The following IMPACT variants were observed in gnomAD, a reference collection of about 807,000 sequenced individuals.
The protein encoded by IMPACT is protein IMPACT.
Under a neutral mutation model 47.5 loss-of-function variants are expected in IMPACT, and 35 were observed. That is an observed-to-expected ratio of 0.74 (90% CI 0.56 to 0.98). The LOEUF (loss-of-function observed/expected upper bound fraction) is 0.98, where lower values mean the gene tolerates loss of function less well. Ranked by LOEUF, IMPACT falls within the 50% of genes least tolerant of loss-of-function variation. The probability of loss-of-function intolerance (pLI) is 0.00; values close to 1 mark genes in which losing one functional copy is unlikely to be tolerated. For missense variants in IMPACT, 373 were observed against 394.8 expected, an observed-to-expected ratio of 0.94 and a Z score of 0.47; for synonymous variants, 118 against 125.6, an observed-to-expected ratio of 0.94 and a Z score of 0.40.
At chr18:24,434,000 A>G (rs1254909047) in intron 4 of IMPACT, among the ~76,000 whole-genome samples, 1 of 151,980 alleles carries the variant, frequency 6.6e-6, no homozygotes, top group African/African-American at 2.4e-5. Context: ...CATATTTTCC[A>G]TATAATTCCA....
intron 9 of IMPACT, 76 bp downstream of exon 9, chr18:24,448,259 T>TA: frequency 1.2e-6 from 1 of 858,984 alleles, no homozygotes; most frequent in Non-Finnish European, 1.9e-6. Flanking sequence ...CTCCATTTAG[T>TA]AATAGCTAAG....
intron 7 of IMPACT, among the ~76,000 whole-genome samples, chr18:24,443,457 A>G (rs117358588): frequency 5.1e-4 from 78 of 152,296 alleles, no homozygotes; most frequent in East Asian, 4.2e-3. Context: ...GATTACAGGC[A>G]TAAGCCACCT....
intron 10 of IMPACT, 111 bp from the exon 11 acceptor site, chr18:24,450,668 T>C (rs1909361817): frequency 1.5e-6 from 1 of 651,378 alleles, no homozygotes; most frequent in Non-Finnish European, 2.7e-6. Context: ...CATACATATA[T>C]GTATGAATAT....
rs1908951108 is a variant in IMPACT at position 24,436,607 on chromosome 18, G to T, written c.282-1348G>T. ...TCTGTTGCCCAGGCTGGAGTGCAGT[G>T]GCACGATCTCCACTCACTGCAACCT... On this transcript the variant is annotated intron_variant, in intron 4 of 10. Transcript: ENST00000284202. 2.0e-5 allele frequency among the ~76,000 whole-genome samples: 3 copies of T among 151,394 alleles called. No homozygotes were observed. In the South Asian group the frequency reaches 6.3e-4, roughly 32 times the overall value.
In IMPACT at chr18:24,451,001, A is replaced by G; in HGVS notation, c.*154A>G. 1.9e-6 allele frequency: 1 copy of G among 517,768 alleles called. No individual in the cohort carries two copies. The highest frequency in any genetic ancestry group is 3.7e-4 in the Middle Eastern group (1 of 2,738). 32.1% of individuals were successfully genotyped at this position (517,768 alleles called of 1,614,324 possible). On this transcript the variant is annotated 3_prime_UTR_variant, in exon 11 of 11. Transcript: ENST00000284202. Reference sequence around the variant, plus strand: ...ATTAGCTTTTCTTCTTGGTTATATCATCTGCCAAAAATAGAGAACTTATGA... The same window carrying G: ...ATTAGCTTTTCTTCTTGGTTATATCGTCTGCCAAAAATAGAGAACTTATGA...
Position 24,451,099 on chromosome 18 carries a change from C to T in IMPACT, c.*252C>T. On this transcript the variant is annotated 3_prime_UTR_variant, in exon 11 of 11. Transcript: ENST00000284202. ...TAATCACCACTTCATCTAATTTTAGCAAGGTAACAGTTGCCCAGGGCAGTA... is the reference window on the plus strand; with the variant it reads ...TAATCACCACTTCATCTAATTTTAGTAAGGTAACAGTTGCCCAGGGCAGTA... 1 of 309,582 alleles carries T rather than the reference C, an allele frequency of 3.2e-6. No homozygotes were observed. Among genetic ancestry groups the T allele is most frequent in the Non-Finnish European group, 6.0e-6 (1 of 167,252 alleles). 19.2% of individuals were successfully genotyped at this position (309,582 alleles called of 1,614,324 possible). A position where few individuals can be genotyped will look rare whatever the true frequency, so the allele number is the denominator to read the frequency against.
In IMPACT at chr18:24,451,785, CA is replaced by C. The variant is rs1238674842; in HGVS notation, c.*939del. ...GTTGTGTAGTTACATCAATTTGATG[CA>C]TGCTTTCCATCTGCACTCCAGACGG... On this transcript the variant is annotated 3_prime_UTR_variant, in exon 11 of 11. Transcript: ENST00000284202. The C allele has an allele frequency of 6.6e-6, 1 of 152,138 alleles. No individual in the cohort carries two copies. The highest frequency in any genetic ancestry group is 6.5e-5 in the Admixed American group (1 of 15,280). The allele number at this position is 152,138 out of a possible 1,614,324, so 9.4% of individuals were successfully genotyped here. A position where few individuals can be genotyped will look rare whatever the true frequency, so the allele number is the denominator to read the frequency against.
At chr18:24,445,369 A>C in intron 7 of IMPACT, 24 bp from the exon 8 acceptor site, 1 of 1,319,856 alleles carries the variant, frequency 7.6e-7, no homozygotes. Flanking sequence ...AAGCATACTT[A>C]TTTATATTAT....
intron 2 of IMPACT, 80 bp downstream of exon 2, chr18:24,428,127 T>C: frequency 7.9e-7 from 1 of 1,268,438 alleles, no homozygotes; most frequent in South Asian, 1.7e-5. Flanking sequence ...CTAATGATTG[T>C]GTTGTTTTCT....
In IMPACT at chr18:24,451,489, G is replaced by A. The variant is rs2144352733; in HGVS notation, c.*642G>A. On this transcript the variant is annotated 3_prime_UTR_variant, in exon 11 of 11. Transcript: ENST00000284202. ...ATGCTTCAGTTTCTGTTGCAAATTG[G>A]TGATTGTGAAATTACAGAAAGTGAT... The A allele has an allele frequency of 6.6e-6, 1 of 152,276 alleles. No individual in the cohort carries two copies. Among genetic ancestry groups the A allele is most frequent in the Admixed American group, 6.5e-5 (1 of 15,302 alleles). The allele number at this position is 152,276 out of a possible 1,614,324, so 9.4% of individuals were successfully genotyped here.
chr18:24,437,301 G>A (rs1444518358), intron 4 of IMPACT, among the ~76,000 whole-genome samples: 3 of 152,104 alleles, frequency 2.0e-5, no homozygotes, highest in Non-Finnish European at 4.4e-5. Flanking sequence ...CTATGGACAT[G>A]ACTTTAAAAC....
In IMPACT at chr18:24,430,405, T is replaced by A. The variant is rs945567706; in HGVS notation, c.281+21T>A. 4.5e-6 allele frequency: 7 copies of A among 1,554,898 alleles called. No homozygotes were observed. The East Asian group carries it at 6.8e-5, about 15-fold the overall frequency. On this transcript the variant is annotated intron_variant, in intron 4 of 10. Transcript: ENST00000284202. ...TATATGTAAGTGACAGGCGATTTTT[T>A]AAAATAATTCTGTTAGTGATTGTAT...
intron 8 of IMPACT, 30 bp downstream of exon 8, chr18:24,445,496 TCA>T: frequency 3.0e-6 from 4 of 1,334,788 alleles, no homozygotes; most frequent in Non-Finnish European, 4.2e-6. Flanking sequence ...TTTAGTATAC[TCA>T]GTTTGTTAAA....
chr18:24,434,146 C>T (rs1337158088), intron 4 of IMPACT, among the ~76,000 whole-genome samples: 1 of 151,978 alleles, frequency 6.6e-6, no homozygotes, highest in Non-Finnish European at 1.5e-5. Context: ...TTGAGACCAG[C>T]CTGGGCAACA....
chr18:24,431,630 A>T (rs1445328340), intron 4 of IMPACT, among the ~76,000 whole-genome samples: 1 of 151,472 alleles, frequency 6.6e-6, no homozygotes, highest in Non-Finnish European at 1.5e-5. Flanking sequence ...CTCCCACCTC[A>T]GTCTCCCGGG....
At chr18:24,447,497 C>T (rs76746071) in intron 8 of IMPACT, among the ~76,000 whole-genome samples, 2,243 of 152,060 alleles carry the variant, frequency 0.015, 56 homozygotes, top group African/African-American at 0.051. Context: ...AAAAATACCA[C>T]GATTTGTCTC....
intron 1 of IMPACT, chr18:24,427,062 G>A (rs1340564620): frequency 5.3e-6 from 2 of 376,926 alleles, no homozygotes; most frequent in Non-Finnish European, 9.4e-6. Flanking sequence ...GCTCTGGGCC[G>A]AAGGCAAAAA....
At chr18:24,438,533 A>C (rs1393796829) in intron 5 of IMPACT, among the ~76,000 whole-genome samples, 1 of 152,080 alleles carries the variant, frequency 6.6e-6, no homozygotes, top group African/African-American at 2.4e-5. Flanking sequence ...AAGACTACTG[A>C]TAGTTATTTT....
chr18:24,431,603 C>A (rs1908759290), intron 4 of IMPACT, among the ~76,000 whole-genome samples: 1 of 150,942 alleles, frequency 6.6e-6, no homozygotes, highest in African/African-American at 2.4e-5. Context: ...TCTTGACATC[C>A]CAGGCTCAAG....
Sources: allele counts gnomAD v4.1 joint callset (sites outside exome capture counted in the v4.1 genomes callset), GRCh38; gene constraint gnomAD v4.1.1; transcripts MANE v1.5; gene names NCBI Gene and HGNC (gene_info 2026-07-23, HGNC 2026-07-21).